Variants in TRPM8 observed in about 807,000 individuals in gnomAD.
TRPM8 encodes the protein TRPM8 cationic channel.
A neutral mutation model predicts 133.7 loss-of-function variants in TRPM8; 110 were observed. The ratio of observed to expected loss-of-function variants is 0.82; its 90% CI spans 0.70 to 0.96. The LOEUF is 0.96. Ranked by LOEUF, TRPM8 falls within the 40% of genes least tolerant of loss-of-function variation. The probability of loss-of-function intolerance (pLI) is 0.00; values close to 1 mark genes in which losing one functional copy is unlikely to be tolerated. For missense variants in TRPM8, 1,291 were observed against 1,379.5 expected (o/e 0.94, Z 1.02); for synonymous variants, 535 against 532.3 (o/e 1.01, Z -0.07).
intron 22 of TRPM8, among the ~76,000 whole-genome samples, chr2:233,997,327 TATTA>T (rs1485945676): frequency 6.6e-6 from 1 of 152,148 alleles, no homozygotes; most frequent in Non-Finnish European, 1.5e-5. Flanking sequence ...TTAGCCAGCC[TATTA>T]ATTGCTATTC....
chr2:233,936,891 CTTTTTTTTTTTTTTT>C (rs5839499), intron 3 of TRPM8, among the ~76,000 whole-genome samples: 1 of 101,328 alleles, frequency 9.9e-6, no homozygotes. Context: ...TCTTTCTTTC[CTTTTTTTTTTTTTTT>C]TTTTTTTTGA....
chr2:233,927,796 T>TTTTCTTTCC (rs1691570254), intron 2 of TRPM8, among the ~76,000 whole-genome samples: 1 of 25,602 alleles, frequency 3.9e-5, no homozygotes, highest in Non-Finnish European at 6.0e-5. Flanking sequence ...CTTTCTTTTC[T>TTTTCTTTCC]TTCCTTCCTT....
chr2:233,973,170 C>T (rs1045735291), intron 17 of TRPM8, among the ~76,000 whole-genome samples: 1 of 152,236 alleles, frequency 6.6e-6, no homozygotes, highest in East Asian at 1.9e-4. Flanking sequence ...CCATGGGAGT[C>T]CCATGCACTG....
At chr2:234,008,225 G>C in intron 24 of TRPM8, 122 bp downstream of exon 24, 1 of 991,496 alleles carries the variant, frequency 1.0e-6, no homozygotes, top group Non-Finnish European at 1.5e-6. Context: ...TTAATTCACT[G>C]TCTAAGAGCA....
At chr2:233,984,991 G>A (rs1463072477) in intron 20 of TRPM8, among the ~76,000 whole-genome samples, 1 of 151,906 alleles carries the variant, frequency 6.6e-6, no homozygotes, top group Non-Finnish European at 1.5e-5. Flanking sequence ...GGCTGAGGCA[G>A]GAGAATCACT....
chr2:233,927,948 CTCTCTCTCTCTCTTTCTT>C (rs1559516766), intron 2 of TRPM8, among the ~76,000 whole-genome samples: 1 of 76,830 alleles, frequency 1.3e-5, no homozygotes, highest in African/African-American at 8.8e-5. Flanking sequence ...CTCTCTCTCT[CTCTCTCTCTCTCTTTCTT>C]TCTTTCTTTC....
At position 234,005,413 on chromosome 2, in the gene TRPM8, T is replaced by C. The variant is rs556056908; in HGVS notation, c.3131-1440T>C. The stretch of plus-strand genomic sequence containing the variant: ...TTTTGGTCATTTGTCATCCTTGCTC[T>C]CTGGCTGTCTGTGTCCAGGAGTGTC... On this transcript the variant is annotated intron_variant, in intron 22 of 25. Transcript: ENST00000324695. Among the ~76,000 whole-genome samples, 391 of 152,366 alleles carry C rather than the reference T, an allele frequency of 2.6e-3. 1 individual carries two copies. The highest frequency in any genetic ancestry group is 4.4e-3 in the Non-Finnish European group (298 of 68,038).
chr2:233,944,571 AC>A (rs1574709049), intron 6 of TRPM8, among the ~76,000 whole-genome samples: 1 of 152,336 alleles, frequency 6.6e-6, no homozygotes, highest in East Asian at 1.9e-4. Flanking sequence ...TTAAGAAACA[AC>A]CAACCACCCA....
chr2:233,970,452 C>A (rs1205680132), intron 17 of TRPM8, 26 bp downstream of exon 17: 2 of 1,602,778 alleles, frequency 1.2e-6, no homozygotes, highest in South Asian at 2.2e-5. Context: ...CAGCAGGAAC[C>A]CCCTCGCTTC....
intron 23 of TRPM8, among the ~76,000 whole-genome samples, chr2:234,007,727 G>A (rs1472761943): frequency 7.9e-5 from 12 of 152,162 alleles, no homozygotes; most frequent in South Asian, 2.1e-4. Flanking sequence ...TGGGATGCTC[G>A]TTCTAACAAC....
intron 9 of TRPM8, among the ~76,000 whole-genome samples, chr2:233,951,035 T>TACAA (rs67334712): frequency 0.02 from 2,976 of 150,690 alleles, 44 homozygotes; most frequent in African/African-American, 0.037. Flanking sequence ...ACCCCGTCCC[T>TACAA]ACAAACAAAC....
rs1693019702 is a variant in TRPM8, at chr2:234,018,767, C to T, written c.*1511C>T. The T allele has an allele frequency of 6.6e-6, 1 of 151,720 alleles. No individual in the cohort carries two copies. The highest frequency in any genetic ancestry group is 6.6e-5 in the Admixed American group (1 of 15,236). 9.4% of individuals were successfully genotyped at this position (151,720 alleles called of 1,614,324 possible). A position where few individuals can be genotyped will look rare whatever the true frequency, so the allele number is the denominator to read the frequency against. On this transcript the variant is annotated 3_prime_UTR_variant, in exon 26 of 26. Coordinates refer to ENST00000324695, the MANE Select transcript of TRPM8 (RefSeq NM_024080.5). ...GGCTGAGGTACAAGAATTGCTGGAA[C>T]CTGGGAGGCGGAGGTTGCAGTGAAC...
Position 233,981,766 on chromosome 2 carries a change from C to T in TRPM8, c.2448-8C>T, listed in dbSNP as rs570358294. The T allele has an allele frequency of 6.3e-7, 1 of 1,589,848 alleles. No individual in the cohort carries two copies. The highest frequency in any genetic ancestry group is 1.4e-5 in the African/African-American group (1 of 73,414). ...TCTCATGAATTCTGTTCCTTCTTTT[C>T]CCCCTAGGCTCCACTCTTCTAATAA... On this transcript the variant is annotated splice_polypyrimidine_tract_variant and splice_region_variant and intron_variant, in intron 18 of 25. Transcript: ENST00000324695.
chr2:233,962,308 T>C (rs1475570336), intron 12 of TRPM8, among the ~76,000 whole-genome samples: 1 of 152,204 alleles, frequency 6.6e-6, no homozygotes, highest in Non-Finnish European at 1.5e-5. Context: ...TACCCCCACT[T>C]GAAGGAGCTG....
intron 14 of TRPM8, among the ~76,000 whole-genome samples, chr2:233,965,796 TTGTCATTAGGTGATGAAATG>T (rs1480717430): frequency 6.6e-6 from 1 of 152,226 alleles, no homozygotes; most frequent in Non-Finnish European, 1.5e-5. Flanking sequence ...TGCAATTTCT[TTGTCATTAGGTGATGAAATG>T]TAAGCACACA....
intron 1 of TRPM8, among the ~76,000 whole-genome samples, chr2:233,919,117 A>G (rs1200535921): frequency 6.6e-6 from 1 of 151,534 alleles, no homozygotes; most frequent in Non-Finnish European, 1.5e-5. Context: ...GACTGATTTG[A>G]CCATGGTGAT....
At chr2:233,936,122 C>A (rs1338286402) in intron 3 of TRPM8, among the ~76,000 whole-genome samples, 1 of 152,104 alleles carries the variant, frequency 6.6e-6, no homozygotes, top group Non-Finnish European at 1.5e-5. Flanking sequence ...AGGGGAGGGG[C>A]TGTGCGAGAG....
At chr2:233,967,502 G>A (rs1278410754) in intron 15 of TRPM8, among the ~76,000 whole-genome samples, 1 of 152,196 alleles carries the variant, frequency 6.6e-6, no homozygotes, top group Non-Finnish European at 1.5e-5. Flanking sequence ...ATTTCACTGA[G>A]GAGGATGCAG....
intron 3 of TRPM8, among the ~76,000 whole-genome samples, chr2:233,932,149 G>T (rs1261481368): frequency 1.3e-5 from 2 of 152,242 alleles, no homozygotes; most frequent in Non-Finnish European, 2.9e-5. Flanking sequence ...GGATTCTGTG[G>T]GGTGTGATAA....
Sources: gnomAD v4.1 joint callset for allele counts (sites outside exome capture counted in the v4.1 genomes callset) on GRCh38, gnomAD v4.1.1 for gene constraint, MANE v1.5 for transcripts, NCBI Gene and HGNC (gene_info 2026-07-23, HGNC 2026-07-21) for gene names.